The following ABTB3 variants were observed in gnomAD, a reference collection of about 807,000 sequenced individuals.
ABTB3 encodes ankyrin repeat and BTB domain containing 3.
chr12:107,484,225 A>G, the ABTB3 span, among the ~76,000 whole-genome samples: 1 of 152,228 alleles, frequency 6.6e-6, no homozygotes, highest in Non-Finnish European at 1.5e-5. Context: ...AAAGCAAAGC[A>G]GTTCTGGTTA....
At chr12:107,631,739 C>T in the ABTB3 span, among the ~76,000 whole-genome samples, 1 of 152,122 alleles carries the variant, frequency 6.6e-6, no homozygotes, top group Non-Finnish European at 1.5e-5. Flanking sequence ...ATGTTTTTCT[C>T]ATGATTAGAC....
chr12:107,469,602 A>G, the ABTB3 span, among the ~76,000 whole-genome samples: 1 of 152,080 alleles, frequency 6.6e-6, no homozygotes, highest in Non-Finnish European at 1.5e-5. Flanking sequence ...GAAGCCCTCA[A>G]CTCTGAAGCA....
chr12:107,384,373 C>T, the ABTB3 span, among the ~76,000 whole-genome samples: 1 of 152,112 alleles, frequency 6.6e-6, no homozygotes, highest in Admixed American at 6.5e-5. Flanking sequence ...CAAGAAGCCT[C>T]CTCAAATATC....
chr12:107,641,963 C>A, the ABTB3 span: 1 of 822,386 alleles, frequency 1.2e-6, no homozygotes. Context: ...TAAGGATATA[C>A]CAGTGCTATA....
At chr12:107,466,128 A>G in the ABTB3 span, among the ~76,000 whole-genome samples, 33 of 152,198 alleles carry the variant, frequency 2.2e-4, no homozygotes, top group African/African-American at 7.7e-4. Context: ...TTTGGGGGAA[A>G]GTCTTAGTGA....
At chr12:107,637,641 T>C in the ABTB3 span, among the ~76,000 whole-genome samples, 1 of 152,238 alleles carries the variant, frequency 6.6e-6, no homozygotes, top group East Asian at 1.9e-4. Context: ...GGACCTGCTT[T>C]AAAGGAAAGA....
chr12:107,600,269 G>A, the ABTB3 span, among the ~76,000 whole-genome samples: 21 of 152,264 alleles, frequency 1.4e-4, no homozygotes, highest in Admixed American at 5.2e-4. Context: ...ACGCAACCTC[G>A]ATGCCGCAAT....
the ABTB3 span, among the ~76,000 whole-genome samples, chr12:107,451,935 G>A: frequency 6.6e-6 from 1 of 152,238 alleles, no homozygotes; most frequent in Non-Finnish European, 1.5e-5. Context: ...GCCAAGCTGA[G>A]TGGGAAGCAC....
At chr12:107,334,106 T>C in the ABTB3 span, among the ~76,000 whole-genome samples, 70 of 152,368 alleles carry the variant, frequency 4.6e-4, no homozygotes, top group African/African-American at 1.6e-3. Flanking sequence ...AGGGTCACCG[T>C]AAGCCAGGTT....
At chr12:107,534,027 G>A in the ABTB3 span, among the ~76,000 whole-genome samples, 1 of 152,134 alleles carries the variant, frequency 6.6e-6, no homozygotes, top group Non-Finnish European at 1.5e-5. Flanking sequence ...ATGGGTCAAT[G>A]AAGAAATTTA....
chr12:107,550,583 CTT>C, the ABTB3 span, among the ~76,000 whole-genome samples: 32 of 135,196 alleles, frequency 2.4e-4, no homozygotes, highest in Admixed American at 9.6e-4. Flanking sequence ...TTCTTTCTTT[CTT>C]TTTTTTTTTT....
At chr12:107,508,444 T>TTTTTTGTTTTG in the ABTB3 span, among the ~76,000 whole-genome samples, 1 of 76,884 alleles carries the variant, frequency 1.3e-5, no homozygotes, top group Non-Finnish European at 2.5e-5. Context: ...ATTTCTTTTT[T>TTTTTTGTTTTG]TTTTTTTTTT....
the ABTB3 span, among the ~76,000 whole-genome samples, chr12:107,510,225 C>T: frequency 1.3e-5 from 2 of 152,144 alleles, no homozygotes; most frequent in South Asian, 4.1e-4. Context: ...CCCCCCCACC[C>T]TTTACATTCT....
the ABTB3 span, among the ~76,000 whole-genome samples, chr12:107,450,586 C>A: frequency 2.0e-5 from 3 of 152,228 alleles, no homozygotes; most frequent in East Asian, 5.8e-4. Flanking sequence ...TGGTCTAGGA[C>A]AAGGTCTGTC....
the ABTB3 span, among the ~76,000 whole-genome samples, chr12:107,555,601 A>G: frequency 6.6e-6 from 1 of 152,198 alleles, no homozygotes; most frequent in African/African-American, 2.4e-5. Flanking sequence ...TATGACACAA[A>G]GACTAAGGAA....
the ABTB3 span, among the ~76,000 whole-genome samples, chr12:107,591,395 C>G: frequency 6.6e-6 from 1 of 152,190 alleles, no homozygotes; most frequent in Non-Finnish European, 1.5e-5. Context: ...GACTTACCAT[C>G]ATGGCGGAAG....
the ABTB3 span, chr12:107,616,955 C>A: frequency 1.2e-6 from 1 of 827,100 alleles, no homozygotes; most frequent in Non-Finnish European, 2.0e-6. Flanking sequence ...AGTTGCCCTC[C>A]AGCCTGTGCA....
the ABTB3 span, among the ~76,000 whole-genome samples, chr12:107,410,108 C>T: frequency 6.6e-6 from 1 of 151,904 alleles, no homozygotes; most frequent in Admixed American, 6.6e-5. Context: ...AGCACATCGG[C>T]CCAGCCACTG....
chr12:107,637,964 G>A, the ABTB3 span, among the ~76,000 whole-genome samples: 4 of 152,166 alleles, frequency 2.6e-5, no homozygotes, highest in Non-Finnish European at 5.9e-5. Flanking sequence ...TGATAGGTGA[G>A]CAGAGGGAGG....
Sources: allele counts gnomAD v4.1 joint callset (sites outside exome capture counted in the v4.1 genomes callset), GRCh38; gene constraint gnomAD v4.1.1; transcripts MANE v1.5; gene names NCBI Gene and HGNC (gene_info 2026-07-23, HGNC 2026-07-21).